C3orf20: variants seen among roughly 807,000 people sequenced by gnomAD.
C3orf20 encodes uncharacterized protein C3orf20.
In C3orf20, 76 loss-of-function variants were observed where a neutral mutation model predicts 88.3. The ratio of observed to expected loss-of-function variants is 0.86; its 90% confidence interval spans 0.72 to 1.04. C3orf20 has a LOEUF of 1.04. Among genes scored for constraint, C3orf20 ranks in the 50% least tolerant of loss-of-function variants. C3orf20 has a pLI of 0.00. For synonymous variants in C3orf20, 436 were observed against 437.4 expected (o/e 1.00, Z 0.04); for missense variants, 1,056 against 1,123.3 (o/e 0.94, Z 0.86).
At chr3:14,749,281 T>C (rs551482747) in intron 12 of C3orf20, among the ~76,000 whole-genome samples, 14 of 152,340 alleles carry the variant, frequency 9.2e-5, no homozygotes, top group Middle Eastern at 3.4e-3. Context: ...GGTTATTTTT[T>C]TCCTTTAGGT....
At chr3:14,719,142 T>A (rs1005768973) in intron 9 of C3orf20, among the ~76,000 whole-genome samples, 14 of 145,790 alleles carry the variant, frequency 9.6e-5, no homozygotes, top group African/African-American at 2.3e-4. Context: ...TTTTTTTTTT[T>A]AATTTTTTCA....
Position 14,772,863 on chromosome 3 carries a change from C to T in C3orf20, c.2703C>T (p.Ala901=). Residue 901 remains alanine (A), a synonymous_variant, in exon 17 of 17, where the codon GCC becomes GCT. Coordinates refer to ENST00000253697, the MANE Select transcript of C3orf20 (RefSeq NM_032137.5). The surrounding 1 kb of genome is among the most constrained non-coding windows in gnomAD (Gnocchi z 4.2). ...AGATAACTAGTTGGAAGAAGCAGGC[C>T]TCCAAGAAGTAGCGCCATCCTGGCA... ...DSKITSWKKQ[A]SKK 1 of 1,613,790 alleles carries T rather than the reference C, an allele frequency of 6.2e-7. No homozygotes were observed. Among genetic ancestry groups the T allele is most frequent in the Non-Finnish European group, 8.5e-7 (1 of 1,179,790 alleles).
At chr3:14,748,712 G>A (rs565491140) in intron 12 of C3orf20, among the ~76,000 whole-genome samples, 4 of 152,094 alleles carry the variant, frequency 2.6e-5, no homozygotes, top group African/African-American at 9.6e-5. Context: ...TGACCCATTT[G>A]TTGTTTAATA....
At chr3:14,688,346 A>G (rs2032539761) in intron 4 of C3orf20, among the ~76,000 whole-genome samples, 1 of 151,890 alleles carries the variant, frequency 6.6e-6, no homozygotes, top group Non-Finnish European at 1.5e-5. Flanking sequence ...CCTGGCCAAC[A>G]TGATGAAACC....
chr3:14,731,361 C>G (rs1485630027), intron 12 of C3orf20, among the ~76,000 whole-genome samples: 1 of 152,072 alleles, frequency 6.6e-6, no homozygotes, highest in African/African-American at 2.4e-5. Flanking sequence ...TCTCAGGGGG[C>G]CCCCACATCA....
chr3:14,702,439 T>C (rs893327200), intron 5 of C3orf20, among the ~76,000 whole-genome samples: 2 of 115,878 alleles, frequency 1.7e-5, no homozygotes, highest in African/African-American at 6.7e-5. Flanking sequence ...TCCTCACATA[T>C]CTTTTTTTTT....
At chr3:14,767,428 C>G (rs1387827679) in intron 15 of C3orf20, 2 of 152,242 alleles carry the variant, frequency 1.3e-5, no homozygotes, top group Non-Finnish European at 2.9e-5. Flanking sequence ...AGACAGTGTG[C>G]CCAGGTGATG....
chr3:14,754,490 T>G (rs1047496429), intron 12 of C3orf20, among the ~76,000 whole-genome samples: 11 of 152,224 alleles, frequency 7.2e-5, no homozygotes, highest in African/African-American at 2.7e-4. Flanking sequence ...AAGCTTAAAA[T>G]GCTACAATGC....
chr3:14,687,500 G>C (rs1286908798), intron 4 of C3orf20, among the ~76,000 whole-genome samples: 1 of 152,150 alleles, frequency 6.6e-6, no homozygotes, highest in South Asian at 2.1e-4. Context: ...ATTTGTGCAG[G>C]TGGTGATCGC....
chr3:14,709,964 G>A (rs543595060), intron 7 of C3orf20, among the ~76,000 whole-genome samples: 15 of 152,262 alleles, frequency 9.9e-5, no homozygotes, highest in Admixed American at 6.5e-4. Context: ...TAAATGTCTG[G>A]TAGAATTCAC....
chr3:14,731,791 G>C (rs181784151), intron 12 of C3orf20, among the ~76,000 whole-genome samples: 4 of 152,278 alleles, frequency 2.6e-5, no homozygotes, highest in Non-Finnish European at 1.5e-5. Context: ...GGCTAATGTT[G>C]TAAATAAGTT....
At chr3:14,693,260 T>C (rs944047891) in intron 5 of C3orf20, among the ~76,000 whole-genome samples, 1 of 152,154 alleles carries the variant, frequency 6.6e-6, no homozygotes, top group African/African-American at 2.4e-5. Flanking sequence ...TCTGTGAAGA[T>C]TGCCATTGGT....
chr3:14,728,281 G>A (rs985371998), intron 11 of C3orf20, among the ~76,000 whole-genome samples, 158 bp from the exon 12 acceptor site: 1 of 152,150 alleles, frequency 6.6e-6, no homozygotes, highest in African/African-American at 2.4e-5. Flanking sequence ...CAGGAGTACT[G>A]TATTGGACAG....
chr3:14,717,641 C>A (rs1443238937), intron 9 of C3orf20, among the ~76,000 whole-genome samples: 1 of 151,960 alleles, frequency 6.6e-6, no homozygotes, highest in African/African-American at 2.4e-5. Flanking sequence ...TTGTTTTTGC[C>A]CAGATGTTTA....
rs1443727950 is a variant in C3orf20 at position 14,728,513 on chromosome 3, C to T, written c.1765C>T (p.His589Tyr). The T allele has an allele frequency of 6.2e-7, 1 of 1,614,200 alleles. No individual in the cohort carries two copies. Reference protein sequence around the residue: ...FVRFKMRSRTHPERLPKLSLY... With the variant: ...FVRFKMRSRTYPERLPKLSLY... ...TCGGTTCAAGATGAGATCCAGAACT[C>T]ATCCCGAGCGGCTCCCCAAGCTAAG... The change falls in exon 12 of 17, where the codon CAT becomes TAT. Residue 589 changes from histidine (H) to tyrosine (Y), a missense_variant. Transcript: ENST00000253697.
At chr3:14,765,612 G>A (rs377739284) in intron 15 of C3orf20, 4 of 152,690 alleles carry the variant, frequency 2.6e-5, no homozygotes, top group African/African-American at 9.6e-5. Flanking sequence ...CAAGTGTTGG[G>A]GGGGAGTCCA....
chr3:14,696,518 G>A (rs1437311430), intron 5 of C3orf20, among the ~76,000 whole-genome samples: 1 of 151,792 alleles, frequency 6.6e-6, no homozygotes, highest in East Asian at 1.9e-4. Context: ...AGCCTCCCAA[G>A]TAGCTGGGAC....
At chr3:14,723,335 A>G (rs2034231491) in intron 10 of C3orf20, among the ~76,000 whole-genome samples, 1 of 152,244 alleles carries the variant, frequency 6.6e-6, no homozygotes, top group Non-Finnish European at 1.5e-5. Context: ...GGAGGAAAGC[A>G]TTGCATCTGT....
intron 1 of C3orf20, among the ~76,000 whole-genome samples, chr3:14,678,489 G>A (rs2031908548): frequency 6.6e-6 from 1 of 152,212 alleles, no homozygotes; most frequent in Non-Finnish European, 1.5e-5. Context: ...TCTACTGTGA[G>A]CCCCTCGAGA....
Sources: allele counts gnomAD v4.1 joint callset (sites outside exome capture counted in the v4.1 genomes callset), GRCh38; gene constraint gnomAD v4.1.1; non-coding constraint Gnocchi (gnomAD v3.1); transcripts MANE v1.5; gene names NCBI Gene and HGNC (gene_info 2026-07-23, HGNC 2026-07-21).